The following PM20D2 variants were observed in gnomAD, a reference collection of about 807,000 sequenced individuals.
The protein encoded by PM20D2 is peptidase M20 domain containing 2, also known as xaa-Arg dipeptidase.
In PM20D2, 33 loss-of-function variants were observed where a neutral mutation model predicts 42.9. The observed-to-expected ratio is 0.77, with a 90% CI of 0.58 to 1.03. PM20D2 has a LOEUF of 1.03. PM20D2 is among the 50% of genes least tolerant of loss of function. The pLI, the probability that PM20D2 is intolerant of heterozygous loss-of-function variation, is 0.00. For missense variants in PM20D2, 548 were observed against 557.0 expected, an observed-to-expected ratio of 0.98 and a Z score of 0.16; for synonymous variants, 250 against 228.2, an observed-to-expected ratio of 1.10 and a Z score of -0.86.
chr6:89,108,579 G>T, the PM20D2 span, among the ~76,000 whole-genome samples: 1 of 152,176 alleles, frequency 6.6e-6, no homozygotes. Flanking sequence ...TGTGGCTCGG[G>T]AGAAATAAAG....
At chr6:89,153,587 G>A (rs1245052308) in intron 3 of PM20D2, among the ~76,000 whole-genome samples, 1 of 152,080 alleles carries the variant, frequency 6.6e-6, no homozygotes, top group Non-Finnish European at 1.5e-5. Flanking sequence ...TTAGTCCTGA[G>A]TAATATCTTT....
chr6:89,112,779 C>A, the PM20D2 span, among the ~76,000 whole-genome samples: 6 of 152,108 alleles, frequency 3.9e-5, no homozygotes, highest in African/African-American at 1.4e-4. Context: ...CACCACATAA[C>A]AATGTTTCAG....
intron 4 of PM20D2, among the ~76,000 whole-genome samples, chr6:89,156,414 A>T (rs1170157447): frequency 6.6e-6 from 1 of 152,148 alleles, no homozygotes; most frequent in Non-Finnish European, 1.5e-5. Flanking sequence ...AGATAATAAC[A>T]ATTTATCTTA....
At chr6:89,152,060 A>G (rs1582340180) in intron 2 of PM20D2, among the ~76,000 whole-genome samples, 1 of 151,954 alleles carries the variant, frequency 6.6e-6, no homozygotes, top group East Asian at 1.9e-4. Context: ...ACGCCACTGC[A>G]CTCCAGCCAG....
chr6:89,110,770 A>G, the PM20D2 span, among the ~76,000 whole-genome samples: 13 of 151,918 alleles, frequency 8.6e-5, no homozygotes, highest in African/African-American at 2.9e-4. Context: ...GCTTCACTAC[A>G]TGTTCTTCAG....
chr6:89,108,289 G>A, the PM20D2 span, among the ~76,000 whole-genome samples: 1 of 152,146 alleles, frequency 6.6e-6, no homozygotes, highest in Non-Finnish European at 1.5e-5. Context: ...GTTAGCCAGT[G>A]TTCACCTTAC....
the PM20D2 span, chr6:89,117,678 C>T: frequency 2.6e-6 from 2 of 760,678 alleles, no homozygotes; most frequent in Non-Finnish European, 3.8e-6. Context: ...CGAGGGCTCA[C>T]ACCTCCCCAA....
the PM20D2 span, among the ~76,000 whole-genome samples, chr6:89,132,104 A>G: frequency 1.3e-5 from 2 of 152,334 alleles, no homozygotes; most frequent in South Asian, 2.1e-4. Flanking sequence ...AACCAACTCA[A>G]TCCTGAAGGA....
intron 1 of PM20D2, among the ~76,000 whole-genome samples, chr6:89,147,799 A>T (rs1770648890): frequency 1.3e-5 from 2 of 150,580 alleles, no homozygotes; most frequent in East Asian, 4.1e-4. Flanking sequence ...AGGCTGAGGC[A>T]GGAGAATCGC....
chr6:89,150,332 A>C, intron 2 of PM20D2, among the ~76,000 whole-genome samples: 1 of 152,112 alleles, frequency 6.6e-6, no homozygotes, highest in Middle Eastern at 3.2e-3. Context: ...AAACTAGTCC[A>C]TCTCTAGAAA....
the PM20D2 span, among the ~76,000 whole-genome samples, chr6:89,139,383 G>A: frequency 1.3e-5 from 2 of 151,998 alleles, no homozygotes; most frequent in African/African-American, 4.8e-5. Context: ...CTAATTTTTT[G>A]TATTCTTTTG....
At chr6:89,135,193 A>G in the PM20D2 span, among the ~76,000 whole-genome samples, 16 of 151,266 alleles carry the variant, frequency 1.1e-4, no homozygotes, top group South Asian at 2.1e-4. Context: ...AGAAAAATAT[A>G]CCACTTCTCC....
At chr6:89,152,407 C>G (rs746894538) in intron 2 of PM20D2, among the ~76,000 whole-genome samples, 1 of 151,872 alleles carries the variant, frequency 6.6e-6, no homozygotes, top group Non-Finnish European at 1.5e-5. Context: ...AATCCTTTCT[C>G]TAATCTTTTT....
chr6:89,116,784 A>G, the PM20D2 span, among the ~76,000 whole-genome samples: 1 of 151,988 alleles, frequency 6.6e-6, no homozygotes, highest in Non-Finnish European at 1.5e-5. Context: ...TAAAAAAAAA[A>G]AAAAAACTAA....
the PM20D2 span, among the ~76,000 whole-genome samples, chr6:89,118,398 T>A: frequency 6.6e-6 from 1 of 152,242 alleles, no homozygotes; most frequent in Non-Finnish European, 1.5e-5. Context: ...CGCATCGTCC[T>A]GAGCGCAGGA....
chr6:89,101,213 G>C, the PM20D2 span, among the ~76,000 whole-genome samples: 1 of 151,316 alleles, frequency 6.6e-6, no homozygotes, highest in East Asian at 1.9e-4. Context: ...ATCCCTAAAA[G>C]AACACAGCAG....
chr6:89,120,655 G>C, the PM20D2 span, among the ~76,000 whole-genome samples: 96,575 of 151,728 alleles, frequency 0.64, 31,749 homozygotes, highest in South Asian at 0.76. Flanking sequence ...CTCCAAGCTA[G>C]AAGTTCGTGA....
the PM20D2 span, among the ~76,000 whole-genome samples, chr6:89,119,654 C>G: frequency 6.6e-6 from 1 of 152,168 alleles, no homozygotes; most frequent in African/African-American, 2.4e-5. Flanking sequence ...GTCTGAAATC[C>G]AGGTGTCCGC....
chr6:89,116,782 A>AT, the PM20D2 span, among the ~76,000 whole-genome samples: 9,477 of 151,850 alleles, frequency 0.062, 866 homozygotes, highest in African/African-American at 0.2. Context: ...TCTAAAAAAA[A>AT]AAAAAAAACT....
Sources: gnomAD v4.1 joint callset for allele counts (sites outside exome capture counted in the v4.1 genomes callset) on GRCh38, gnomAD v4.1.1 for gene constraint, MANE v1.5 for transcripts, NCBI Gene and HGNC (gene_info 2026-07-23, HGNC 2026-07-21) for gene names.